The following LDLRAD3 variants were observed in gnomAD, a reference collection of about 807,000 sequenced individuals.
LDLRAD3 encodes low density lipoprotein receptor class A domain containing 3, also known as low-density lipoprotein receptor class A domain-containing protein 3.
Under a neutral mutation model 29.4 loss-of-function variants are expected in LDLRAD3, and 20 were observed. The ratio of observed to expected loss-of-function variants is 0.68; its 90% CI spans 0.48 to 0.99. LDLRAD3 has a LOEUF of 0.99. Among genes scored for constraint, LDLRAD3 ranks in the 50% least tolerant of loss-of-function variants. LDLRAD3 has a pLI of 0.00. For missense variants in LDLRAD3, 420 were observed against 454.3 expected (o/e 0.92, Z 0.69); for synonymous variants, 157 against 192.7 (o/e 0.81, Z 1.53).
At chr11:36,067,818 G>A (rs1852821037) in intron 2 of LDLRAD3, among the ~76,000 whole-genome samples, 5 of 152,118 alleles carry the variant, frequency 3.3e-5, no homozygotes, top group Admixed American at 2.0e-4. Context: ...CTACAGGCGT[G>A]TGCCTGGCTA....
chr11:36,113,457 G>C (rs879267883), intron 4 of LDLRAD3, among the ~76,000 whole-genome samples: 3 of 151,810 alleles, frequency 2.0e-5, no homozygotes, highest in Non-Finnish European at 4.4e-5. Flanking sequence ...GAAAGAAAAA[G>C]GAAATAAGAA....
chr11:36,023,521 A>G (rs756847246), intron 1 of LDLRAD3, among the ~76,000 whole-genome samples: 1 of 152,152 alleles, frequency 6.6e-6, no homozygotes, highest in African/African-American at 2.4e-5. Context: ...GTCTCTCTCT[A>G]TTAAACAAGA....
At chr11:36,127,559 C>G (rs1269177414) in intron 4 of LDLRAD3, among the ~76,000 whole-genome samples, 1 of 152,150 alleles carries the variant, frequency 6.6e-6, no homozygotes, top group Non-Finnish European at 1.5e-5. Flanking sequence ...CTTGATGCTG[C>G]TGGGTTAGTC....
chr11:36,206,649 G>A (rs1049545691), intron 4 of LDLRAD3, among the ~76,000 whole-genome samples: 11 of 152,044 alleles, frequency 7.2e-5, no homozygotes, highest in East Asian at 5.8e-4. Flanking sequence ...TCAAGAGAGC[G>A]TCAGTCCTAG....
At chr11:36,089,309 A>G (rs1325878163) in intron 3 of LDLRAD3, among the ~76,000 whole-genome samples, 1 of 152,224 alleles carries the variant, frequency 6.6e-6, no homozygotes, top group East Asian at 1.9e-4. Context: ...GAGACATAGA[A>G]AGGATAAATA....
chr11:36,176,103 T>A (rs1174653414), intron 4 of LDLRAD3, among the ~76,000 whole-genome samples: 3 of 152,230 alleles, frequency 2.0e-5, no homozygotes, highest in Non-Finnish European at 4.4e-5. Context: ...AAGTCTGTTT[T>A]GTCTATAGCT....
intron 2 of LDLRAD3, among the ~76,000 whole-genome samples, chr11:36,055,630 C>T (rs1852607519): frequency 6.6e-6 from 1 of 152,220 alleles, no homozygotes; most frequent in South Asian, 2.1e-4. Context: ...TGTGCAGCCA[C>T]AGTGCCCGTG....
chr11:36,186,962 G>T (rs1283338770), intron 4 of LDLRAD3, among the ~76,000 whole-genome samples: 1 of 152,178 alleles, frequency 6.6e-6, no homozygotes, highest in Non-Finnish European at 1.5e-5. Context: ...ATGTGCAGGT[G>T]GTTGCCATGG....
At chr11:36,151,568 T>C (rs984121793) in intron 4 of LDLRAD3, among the ~76,000 whole-genome samples, 1 of 152,158 alleles carries the variant, frequency 6.6e-6, no homozygotes, top group Non-Finnish European at 1.5e-5. Context: ...CCAAAGCCCA[T>C]GGTCTTTCCA....
intron 4 of LDLRAD3, among the ~76,000 whole-genome samples, chr11:36,220,066 G>A (rs993366744): frequency 6.6e-6 from 1 of 152,192 alleles, no homozygotes; most frequent in African/African-American, 2.4e-5. Context: ...TACATGAACA[G>A]ATGCTCACAT....
At chr11:35,994,671 C>A (rs1851731983) in intron 1 of LDLRAD3, among the ~76,000 whole-genome samples, 1 of 152,162 alleles carries the variant, frequency 6.6e-6, no homozygotes, top group South Asian at 2.1e-4. Context: ...GCACGCAATG[C>A]CTGTTTTATA....
At chr11:35,965,300 A>G (rs1851326175) in intron 1 of LDLRAD3, among the ~76,000 whole-genome samples, 3 of 152,338 alleles carry the variant, frequency 2.0e-5, no homozygotes, top group South Asian at 2.1e-4. Context: ...TGTAAGTGGA[A>G]TAAGTTTAAT....
chr11:35,948,689 G>A (rs1213929757), intron 1 of LDLRAD3, among the ~76,000 whole-genome samples: 1 of 152,086 alleles, frequency 6.6e-6, no homozygotes, highest in Non-Finnish European at 1.5e-5. Flanking sequence ...TTGGTCGGGG[G>A]AGAGCAAAAG....
chr11:36,044,876 C>T (rs1565182273), intron 2 of LDLRAD3, among the ~76,000 whole-genome samples: 1 of 152,236 alleles, frequency 6.6e-6, no homozygotes, highest in Non-Finnish European at 1.5e-5. Flanking sequence ...CTGTTCTCAG[C>T]TCTGCTGGAG....
At chr11:36,222,463 C>T (rs1286064723) in intron 4 of LDLRAD3, among the ~76,000 whole-genome samples, 1 of 152,024 alleles carries the variant, frequency 6.6e-6, no homozygotes, top group African/African-American at 2.4e-5. Context: ...ACTGACTTAC[C>T]CTCCCACTAG....
chr11:36,224,006 C>A (rs1855464486), intron 4 of LDLRAD3, among the ~76,000 whole-genome samples: 1 of 150,610 alleles, frequency 6.6e-6, no homozygotes, highest in African/African-American at 2.5e-5. Flanking sequence ...TGTTAAGCGC[C>A]ACTGAACTGT....
intron 1 of LDLRAD3, among the ~76,000 whole-genome samples, chr11:35,984,446 C>G (rs1754164128): frequency 6.6e-6 from 1 of 152,292 alleles, no homozygotes; most frequent in South Asian, 2.1e-4. Context: ...AAGCCACTTT[C>G]AGCAGCAAGT....
intron 4 of LDLRAD3, among the ~76,000 whole-genome samples, chr11:36,178,918 G>GAT (rs1854717073): frequency 6.6e-6 from 1 of 152,200 alleles, no homozygotes; most frequent in African/African-American, 2.4e-5. Context: ...TTGATTGTAA[G>GAT]TGTCTTGAGG....
chr11:36,096,059 A>G (rs1206191216), intron 3 of LDLRAD3, among the ~76,000 whole-genome samples: 2 of 152,144 alleles, frequency 1.3e-5, no homozygotes, highest in East Asian at 3.9e-4. Flanking sequence ...CGATGTCAAT[A>G]ATTAAAACTT....
Sources: gnomAD v4.1 joint callset for allele counts (sites outside exome capture counted in the v4.1 genomes callset) on GRCh38, gnomAD v4.1.1 for gene constraint, MANE v1.5 for transcripts, NCBI Gene and HGNC (gene_info 2026-07-23, HGNC 2026-07-21) for gene names.